MYRF: variants seen among roughly 807,000 people sequenced by gnomAD.
MYRF encodes myelin gene regulatory factor.
MYRF carries 16 observed loss-of-function variants against 126.3 expected under a neutral mutation model. The observed-to-expected ratio is 0.13, with a 90% CI of 0.09 to 0.19. MYRF has a LOEUF of 0.19. Among genes scored for constraint, MYRF ranks in the 10% least tolerant of loss-of-function variants. The pLI is 1.00. For synonymous variants in MYRF, 608 were observed against 635.3 expected (o/e 0.96, Z 0.65); for missense variants, 1,104 against 1,547.0 (o/e 0.71, Z 4.80).
rs1336314160 is a variant in MYRF, at chr11:61,757,973, C to T, written c.46+5183C>T. Among the ~76,000 whole-genome samples, 1 of 152,164 alleles carries T rather than the reference C, an allele frequency of 6.6e-6. No individual in the cohort carries two copies. The highest frequency in any genetic ancestry group is 1.5e-5 in the Non-Finnish European group (1 of 68,012). On this transcript the variant is annotated intron_variant, in intron 1 of 26. Transcript: ENST00000278836. This position sits in a 1 kb window ranked among gnomAD's most constrained non-coding sequence, Gnocchi z 4.7. ...GAGGGGTGGCTCCAGCACGGGTGGC[C>T]ACGCCAGGTGATGTCCGTGCAGCCT...
intron 17 of MYRF, 144 bp from the exon 18 acceptor site, chr11:61,780,075 TTTC>T (rs2066498195): frequency 2.5e-6 from 3 of 1,208,998 alleles, no homozygotes; most frequent in Non-Finnish European, 3.6e-6. Context: ...GAGGTGGGCC[TTTC>T]TGCCTCTTCC....
chr11:61,772,044 T>C, intron 7 of MYRF, 92 bp downstream of exon 7: 2 of 1,526,724 alleles, frequency 1.3e-6, no homozygotes, highest in South Asian at 2.4e-5. Flanking sequence ...GAGCAGGGCC[T>C]GGGAGCACTC....
intron 1 of MYRF, among the ~76,000 whole-genome samples, chr11:61,764,351 C>T (rs1465244756): frequency 6.6e-6 from 1 of 152,224 alleles, no homozygotes; most frequent in African/African-American, 2.4e-5. Flanking sequence ...GTGGCTGGCA[C>T]TTCACACACC....
rs1006746140 is a variant in MYRF at position 61,778,162 on chromosome 11, C to T, written c.1904-218C>T. On this transcript the variant is annotated intron_variant, in intron 13 of 26. Transcript: ENST00000278836. This position sits in a 1 kb window ranked among gnomAD's most constrained non-coding sequence, Gnocchi z 4.6. ...CCTGGGATCCTTACCCCCAGGAATCCGCCCCACCCCAGCCCAGGAACCTCA... is the reference window on the plus strand; with the variant it reads ...CCTGGGATCCTTACCCCCAGGAATCTGCCCCACCCCAGCCCAGGAACCTCA... Among the ~76,000 whole-genome samples, 2 of 152,116 alleles carry T rather than the reference C, an allele frequency of 1.3e-5. No individual in the cohort carries two copies. Among genetic ancestry groups the T allele is most frequent in the African/African-American group, 4.8e-5 (2 of 41,418 alleles).
At chr11:61,779,446 G>A (rs757242036) in intron 15 of MYRF, 23 bp downstream of exon 15, 4 of 1,549,236 alleles carry the variant, frequency 2.6e-6, no homozygotes, top group Non-Finnish European at 3.5e-6. Context: ...GGTGGGGGAA[G>A]GTGAGACCCT....
At chr11:61,773,524 T>G (rs1260687884) in intron 7 of MYRF, among the ~76,000 whole-genome samples, 1 of 152,168 alleles carries the variant, frequency 6.6e-6, no homozygotes, top group Non-Finnish European at 1.5e-5. Context: ...GGCGCCTGGT[T>G]CCACCGTTTC....
chr11:61,778,627 C>A lies in MYRF; in HGVS notation c.2013+138C>A. On this transcript the variant is annotated intron_variant, in intron 14 of 26. Transcript: ENST00000278836. This position sits in a 1 kb window ranked among gnomAD's most constrained non-coding sequence, Gnocchi z 4.6. ...CTCGGCTCTCATGCTGCCTCCAGAGCGCCCTCTGCACCCCACAGGGAAGGG... is the reference window on the plus strand; with the variant it reads ...CTCGGCTCTCATGCTGCCTCCAGAGAGCCCTCTGCACCCCACAGGGAAGGG... The A allele has an allele frequency of 1.4e-6, 1 of 694,480 alleles. No homozygotes were observed. The highest frequency in any genetic ancestry group is 2.6e-6 in the Non-Finnish European group (1 of 382,754). The allele number at this position is 694,480 out of a possible 1,614,324, so 43.0% of individuals were successfully genotyped here. A position where few individuals can be genotyped will look rare whatever the true frequency, so the allele number is the denominator to read the frequency against.
Position 61,765,701 on chromosome 11 carries a change from T to C in MYRF, c.123T>C (p.Asp41=). The C allele has an allele frequency of 6.2e-7, 1 of 1,612,306 alleles. No homozygotes were observed. The highest frequency in any genetic ancestry group is 1.1e-5 in the South Asian group (1 of 90,930). Residue 41 remains aspartate, a synonymous_variant, in exon 2 of 27, where the codon GAT becomes GAC. Coordinates refer to ENST00000278836, the MANE Select transcript of MYRF (RefSeq NM_001127392.3). ...TGGAGGAGTACATCAGCAAGGAGGA[T>C]GCCTCCGACCTGTGAGTGGCCCCCT... ...SILEEYISKE[D]ASDLCFPDIS...
rs1464889476 is a variant in MYRF at position 61,757,136 on chromosome 11, CA to C, written c.46+4347del. Reference sequence around the variant, plus strand: ...CACCTTCCTGGGCCTCAGTTTCTCTCATTGCCTTGGGTGCTGGAGTATGTGG... The same window carrying C: ...CACCTTCCTGGGCCTCAGTTTCTCTCTTGCCTTGGGTGCTGGAGTATGTGG... On this transcript the variant is annotated intron_variant, in intron 1 of 26. Transcript: ENST00000278836. This position sits in a 1 kb window ranked among gnomAD's most constrained non-coding sequence, Gnocchi z 4.7. 1.1e-5 allele frequency: 5 copies of C among 456,474 alleles called. No individual in the cohort carries two copies. Among genetic ancestry groups the C allele is most frequent in the South Asian group, 7.7e-5 (5 of 64,550 alleles). 28.3% of individuals were successfully genotyped at this position (456,474 alleles called of 1,614,324 possible). A position where few individuals can be genotyped will look rare whatever the true frequency, so the allele number is the denominator to read the frequency against.
Position 61,786,982 on chromosome 11 carries a change from GC to G in MYRF, c.*840del, listed in dbSNP as rs1348450303. The G allele has an allele frequency of 6.5e-6, 1 of 152,708 alleles. No individual in the cohort carries two copies. The highest frequency in any genetic ancestry group is 2.4e-5 in the African/African-American group (1 of 41,448). The allele number at this position is 152,708 out of a possible 1,614,324, so 9.5% of individuals were successfully genotyped here. ...CTTTGAGCCCCCAGATGGTATTGCA[GC>G]TTCACTGCCTGCGTTCCTGGGAGCG... On this transcript the variant is annotated 3_prime_UTR_variant, in exon 27 of 27. Transcript: ENST00000278836. The surrounding 1 kb of genome is among the most constrained non-coding windows in gnomAD (Gnocchi z 4.5).
chr11:61,761,167 T>G (rs1591081356), intron 1 of MYRF, among the ~76,000 whole-genome samples: 1 of 137,300 alleles, frequency 7.3e-6, no homozygotes, highest in African/African-American at 2.8e-5. Context: ...GGGGAGGGGG[T>G]GGGCAGGGCA....
Position 61,786,426 on chromosome 11 carries a change from G to A in MYRF, c.*283G>A, listed in dbSNP as rs2066697269. ...GACCAGTTTACCTCTTTCCAGATAT[G>A]GTGGTTGGAGGGCTGGTTCAGGTGC... On this transcript the variant is annotated 3_prime_UTR_variant, in exon 27 of 27. Coordinates refer to ENST00000278836, the MANE Select transcript of MYRF (RefSeq NM_001127392.3). The surrounding 1 kb of genome is among the most constrained non-coding windows in gnomAD (Gnocchi z 4.5). The A allele has an allele frequency of 4.3e-6, 2 of 466,830 alleles. No individual in the cohort carries two copies. Among genetic ancestry groups the A allele is most frequent in the Admixed American group, 6.9e-5 (2 of 29,142 alleles). 28.9% of individuals were successfully genotyped at this position (466,830 alleles called of 1,614,324 possible).
Position 61,786,614 on chromosome 11 carries a change from A to G in MYRF, c.*471A>G. On this transcript the variant is annotated 3_prime_UTR_variant, in exon 27 of 27. Transcript: ENST00000278836. This position sits in a 1 kb window ranked among gnomAD's most constrained non-coding sequence, Gnocchi z 4.5. ...CCCTAAGAGACTTGGGTGGACCCCCATGAGTCAATGGAGGGCAGACGGCTC... is the reference window on the plus strand; with the variant it reads ...CCCTAAGAGACTTGGGTGGACCCCCGTGAGTCAATGGAGGGCAGACGGCTC... The G allele has an allele frequency of 5.8e-6, 1 of 172,590 alleles. No individual in the cohort carries two copies. Among genetic ancestry groups the G allele is most frequent in the Admixed American group, 5.5e-5 (1 of 18,112 alleles). The allele number at this position is 172,590 out of a possible 1,614,324, so 10.7% of individuals were successfully genotyped here.
chr11:61,758,837 T>A (rs534837059), intron 1 of MYRF, among the ~76,000 whole-genome samples: 1 of 152,252 alleles, frequency 6.6e-6, no homozygotes, highest in Admixed American at 6.5e-5. Flanking sequence ...AGCTGGGCAC[T>A]ATGCTTGCCT....
Position 61,786,318 on chromosome 11 carries a change from T to C in MYRF, c.*175T>C. 1 of 668,474 alleles carries C rather than the reference T, an allele frequency of 1.5e-6. No individual in the cohort carries two copies. Among genetic ancestry groups the C allele is most frequent in the Non-Finnish European group, 2.6e-6 (1 of 388,150 alleles). 41.4% of individuals were successfully genotyped at this position (668,474 alleles called of 1,614,324 possible). On this transcript the variant is annotated 3_prime_UTR_variant, in exon 27 of 27. Transcript: ENST00000278836. This position sits in a 1 kb window ranked among gnomAD's most constrained non-coding sequence, Gnocchi z 4.5. ...ACACTGGAGTTGCTGTTCCAGCTGG[T>C]CGCCCCTCACGGCACAGAGGGAACC...
chr11:61,773,936 C>T (rs2066297918), intron 7 of MYRF, 31 bp from the exon 8 acceptor site: 5 of 1,578,248 alleles, frequency 3.2e-6, no homozygotes, highest in East Asian at 4.5e-5. Flanking sequence ...GCTCTGGGGC[C>T]TCAGGGGAGT....
At chr11:61,765,235 C>T (rs1386062604) in intron 1 of MYRF, among the ~76,000 whole-genome samples, 3 of 152,224 alleles carry the variant, frequency 2.0e-5, no homozygotes, top group South Asian at 2.1e-4. Flanking sequence ...TCAGTAAGCA[C>T]CTCATTTGTG....
intron 1 of MYRF, among the ~76,000 whole-genome samples, chr11:61,763,356 G>A (rs886933638): frequency 2.0e-5 from 3 of 152,168 alleles, no homozygotes; most frequent in South Asian, 2.1e-4. Flanking sequence ...ACTTAGAATC[G>A]TCCCTGGCCT....
At position 61,783,270 on chromosome 11, in the gene MYRF, T is replaced by C. The variant is rs554063265; in HGVS notation, c.3017-228T>C. On this transcript the variant is annotated intron_variant, in intron 22 of 26. Transcript: ENST00000278836. This position sits in a 1 kb window ranked among gnomAD's most constrained non-coding sequence, Gnocchi z 4.6. ...GTGAAGACCCATCCCTACTTCTGGGTGTTCCAGTTCTTTTGAGGAGGCAGA... is the reference window on the plus strand; with the variant it reads ...GTGAAGACCCATCCCTACTTCTGGGCGTTCCAGTTCTTTTGAGGAGGCAGA... 1.4e-5 allele frequency: 6 copies of C among 429,810 alleles called. No homozygotes were observed. In the South Asian group the frequency reaches 1.4e-4, roughly 10 times the overall value. The allele number at this position is 429,810 out of a possible 1,614,324, so 26.6% of individuals were successfully genotyped here.
Sources: gnomAD v4.1 joint callset for allele counts (sites outside exome capture counted in the v4.1 genomes callset) on GRCh38, gnomAD v4.1.1 for gene constraint, Gnocchi (gnomAD v3.1) non-coding constraint, MANE v1.5 for transcripts, NCBI Gene and HGNC (gene_info 2026-07-23, HGNC 2026-07-21) for gene names.